The following CPXM2 variants were observed in gnomAD, a reference collection of about 807,000 sequenced individuals.
CPXM2 encodes inactive carboxypeptidase-like protein X2.
In CPXM2, 66 loss-of-function variants were observed where a neutral mutation model predicts 86.1. The observed-to-expected ratio is 0.77, with a 90% CI of 0.63 to 0.94. The LOEUF (loss-of-function observed/expected upper bound fraction) is 0.94, where lower values mean the gene tolerates loss of function less well. Among genes scored for constraint, CPXM2 ranks in the 40% least tolerant of loss-of-function variants. The probability of loss-of-function intolerance (pLI) is 0.00; values close to 1 mark genes in which losing one functional copy is unlikely to be tolerated. For missense variants in CPXM2, 948 were observed against 1,026.3 expected, an observed-to-expected ratio of 0.92 and a Z score of 1.04; for synonymous variants, 388 against 400.2, an observed-to-expected ratio of 0.97 and a Z score of 0.36.
At chr10:123,909,217 G>A (rs7909164) in intron 2 of CPXM2, among the ~76,000 whole-genome samples, 12,308 of 152,144 alleles carry the variant, frequency 0.081, 574 homozygotes, top group East Asian at 0.19. Context: ...GAGGTTCAGC[G>A]TCCAGGAAAG....
At position 123,765,183 on chromosome 10, in the gene CPXM2, G is replaced by A. The variant is rs1003799003; in HGVS notation, c.1479+1790C>T. On this transcript the variant is annotated intron_variant, in intron 10 of 13. Transcript: ENST00000241305. Reference sequence around the variant, plus strand: ...TTTTTTAAAATGTTACAGGATTATTGAGAAGAATATTCTCTAATCATTGGT... The same window carrying A: ...TTTTTTAAAATGTTACAGGATTATTAAGAAGAATATTCTCTAATCATTGGT... Among the ~76,000 whole-genome samples the A allele has an allele frequency of 1.1e-4, 16 of 152,284 alleles. No individual in the cohort carries two copies. In the East Asian group the frequency reaches 3.1e-3, roughly 29 times the overall value.
chr10:123,925,868 T>C (rs963827673), intron 2 of CPXM2, among the ~76,000 whole-genome samples: 1 of 152,202 alleles, frequency 6.6e-6, no homozygotes, highest in African/African-American at 2.4e-5. Flanking sequence ...GATACAACCA[T>C]ACAAAATTGT....
intron 3 of CPXM2, among the ~76,000 whole-genome samples, chr10:123,850,188 C>T (rs1848572623): frequency 6.6e-6 from 1 of 152,110 alleles, no homozygotes; most frequent in Non-Finnish European, 1.5e-5. Context: ...GGACTATTTC[C>T]ATTTGGGGGT....
At chr10:123,794,402 C>T (rs1203406231) in intron 6 of CPXM2, among the ~76,000 whole-genome samples, 1 of 152,200 alleles carries the variant, frequency 6.6e-6, no homozygotes, top group Non-Finnish European at 1.5e-5. Flanking sequence ...TGCTAGGATG[C>T]TGGGTGCCAA....
intron 4 of CPXM2, among the ~76,000 whole-genome samples, chr10:123,827,015 G>C (rs1380695569): frequency 6.6e-6 from 1 of 152,098 alleles, no homozygotes; most frequent in East Asian, 1.9e-4. Flanking sequence ...AATTAATAAG[G>C]TAAATCTAAT....
intron 7 of CPXM2, among the ~76,000 whole-genome samples, chr10:123,778,463 C>T (rs1156753381): frequency 6.6e-6 from 1 of 152,148 alleles, no homozygotes; most frequent in Non-Finnish European, 1.5e-5. Flanking sequence ...GCACAGGGGT[C>T]TCCCAGTGTC....
At chr10:123,920,586 C>T (rs990232666) in intron 2 of CPXM2, among the ~76,000 whole-genome samples, 3 of 152,170 alleles carry the variant, frequency 2.0e-5, no homozygotes, top group Admixed American at 2.0e-4. Flanking sequence ...GCAAAAAGAT[C>T]TATTGGTAAA....
intron 2 of CPXM2, chr10:123,914,116 G>A: frequency 2.2e-6 from 1 of 460,422 alleles, no homozygotes; most frequent in Admixed American, 2.3e-5. Flanking sequence ...CCTGCCCTGT[G>A]CCTGAGAAGC....
Position 123,852,520 on chromosome 10 carries a change from C to G in CPXM2, c.514-10032G>C, listed in dbSNP as rs554220059. On this transcript the variant is annotated intron_variant, in intron 3 of 13. Transcript: ENST00000241305. ...GCTTCAATGCTTGCTCCCCAAAAGT[C>G]AACACAGTGACTAGGTTGATCCGTT... Among the ~76,000 whole-genome samples, 4 of 152,354 alleles carry G rather than the reference C, an allele frequency of 2.6e-5. No homozygotes were observed. In the South Asian group the frequency reaches 8.3e-4, roughly 32 times the overall value.
chr10:123,752,753 T>A (rs1846107740), intron 13 of CPXM2: 1 of 254,466 alleles, frequency 3.9e-6, no homozygotes, highest in Non-Finnish European at 6.2e-6. Flanking sequence ...GCTCTGCCAC[T>A]CACTGGGTAA....
intron 2 of CPXM2, among the ~76,000 whole-genome samples, chr10:123,875,015 T>C (rs549814647): frequency 5.3e-4 from 80 of 152,260 alleles, no homozygotes; most frequent in African/African-American, 1.8e-3. Flanking sequence ...TTCTGAAGCC[T>C]ATAGCTGCAG....
At chr10:123,813,848 T>C (rs2134097740) in intron 4 of CPXM2, among the ~76,000 whole-genome samples, 1 of 152,332 alleles carries the variant, frequency 6.6e-6, no homozygotes, top group Non-Finnish European at 1.5e-5. Flanking sequence ...CTTAGCTCTA[T>C]TGTGGGAGTT....
chr10:123,801,355 T>A (rs181968940), intron 4 of CPXM2, among the ~76,000 whole-genome samples: 4 of 152,206 alleles, frequency 2.6e-5, no homozygotes, highest in East Asian at 1.9e-4. Flanking sequence ...TCCCCAGCCA[T>A]GTGGAACTGT....
At chr10:123,909,913 A>G (rs1945474306) in intron 2 of CPXM2, among the ~76,000 whole-genome samples, 1 of 152,152 alleles carries the variant, frequency 6.6e-6, no homozygotes, top group East Asian at 1.9e-4. Context: ...TAGTCCCTCC[A>G]TGCTGATGCA....
At chr10:123,843,652 G>T (rs1564794381) in intron 3 of CPXM2, among the ~76,000 whole-genome samples, 1 of 152,184 alleles carries the variant, frequency 6.6e-6, no homozygotes, top group East Asian at 1.9e-4. Context: ...AAATTCTGGG[G>T]ACAGCCTTAC....
intron 2 of CPXM2, among the ~76,000 whole-genome samples, chr10:123,868,229 CTTGGTCCCTGAAGTG>C (rs1944829458): frequency 6.6e-6 from 1 of 152,180 alleles, no homozygotes. Context: ...CAAGGCTGCT[CTTGGTCCCTGAAGTG>C]ACATCATTGT....
Position 123,803,118 on chromosome 10 carries a change from C to CTTTTTTTTTTTTTTTTTTT in CPXM2, c.654-3938_654-3920dup, listed in dbSNP as rs532954173. 9.4e-5 allele frequency among the ~76,000 whole-genome samples: 6 copies of CTTTTTTTTTTTTTTTTTTT among 63,634 alleles called. 1 individual carries two copies. Among genetic ancestry groups the CTTTTTTTTTTTTTTTTTTT allele is most frequent in the Non-Finnish European group, 1.5e-4 (5 of 32,530 alleles). 41.7% of individuals were successfully genotyped at this position (63,634 alleles called of 152,430 possible). On this transcript the variant is annotated intron_variant, in intron 4 of 13. Transcript: ENST00000241305. Reference sequence around the variant, plus strand: ...TCCTTTTCATCCTCTTTGTAGTACCCTTTTTTTTTTTTTTTTTTTTTTTTT... The same window carrying CTTTTTTTTTTTTTTTTTTT: ...TCCTTTTCATCCTCTTTGTAGTACCCTTTTTTTTTTTTTTTTTTTTTTTTTTTTTTTTTTTTTTTTTTTT...
Position 123,767,070 on chromosome 10 carries a change from G to A in CPXM2, c.1382C>T (p.Thr461Met), listed in dbSNP as rs369814117. Residue 461 changes from threonine to methionine, a missense_variant, in exon 10 of 14, where the codon ACG becomes ATG. Thr to Met is a moderately conservative substitution (Grantham distance 81). Transcript: ENST00000241305. ...DINNNFPDLN[T>M]LLWEAEDRQN... Reference sequence around the variant, plus strand: ...TCGATCCTCTGCCTCCCAGAGCAGCGTGTTTAAATCAGGAAAGTTGTTGTT... The same window carrying A: ...TCGATCCTCTGCCTCCCAGAGCAGCATGTTTAAATCAGGAAAGTTGTTGTT... 9.6e-5 allele frequency: 155 copies of A among 1,614,032 alleles called. No individual in the cohort carries two copies. The highest frequency in any genetic ancestry group is 3.3e-4 in the Middle Eastern group (2 of 6,084).
intron 6 of CPXM2, among the ~76,000 whole-genome samples, chr10:123,797,704 T>A (rs1847363509): frequency 6.6e-6 from 1 of 151,954 alleles, no homozygotes; most frequent in Non-Finnish European, 1.5e-5. Flanking sequence ...GACTACAGGC[T>A]CACTCCACCA....
Sources: allele counts gnomAD v4.1 joint callset (sites outside exome capture counted in the v4.1 genomes callset), GRCh38; gene constraint gnomAD v4.1.1; transcripts MANE v1.5; gene names NCBI Gene and HGNC (gene_info 2026-07-23, HGNC 2026-07-21).